Variants in CBLN2 observed in about 807,000 individuals in gnomAD.
CBLN2 encodes the protein cerebellin-2.
In CBLN2, 7 loss-of-function variants were observed where a neutral mutation model predicts 15.0. That is an observed-to-expected ratio of 0.47 (90% CI 0.27 to 0.88). CBLN2 has a LOEUF of 0.88. Ranked by LOEUF, CBLN2 falls within the 40% of genes least tolerant of loss-of-function variation. The pLI, the probability that CBLN2 is intolerant of heterozygous loss-of-function variation, is 0.14. For missense variants in CBLN2, 242 were observed against 304.5 expected (o/e 0.79, Z 1.53); for synonymous variants, 149 against 135.2 (o/e 1.10, Z -0.71).
intron 1 of CBLN2, among the ~76,000 whole-genome samples, chr18:72,554,695 C>T (rs1050459383): frequency 2.0e-5 from 3 of 151,888 alleles, no homozygotes; most frequent in Admixed American, 2.0e-4. Context: ...CAAAAAGTTA[C>T]ATACGATCTC....
chr18:72,591,829 C>T (rs2069481686), intron 1 of CBLN2, among the ~76,000 whole-genome samples: 1 of 152,138 alleles, frequency 6.6e-6, no homozygotes, highest in African/African-American at 2.4e-5. Flanking sequence ...GACAGAATCT[C>T]ATTCTTTGTT....
At chr18:72,597,791 C>A (rs576154298) in intron 1 of CBLN2, among the ~76,000 whole-genome samples, 1 of 152,208 alleles carries the variant, frequency 6.6e-6, no homozygotes, top group African/African-American at 2.4e-5. Flanking sequence ...CTCCTTTACA[C>A]AAGCAAAGGA....
chr18:72,564,446 GAAGA>G (rs2069281515), intron 1 of CBLN2, among the ~76,000 whole-genome samples: 1 of 152,072 alleles, frequency 6.6e-6, no homozygotes. Flanking sequence ...AGTTCAAGCA[GAAGA>G]AAGAATTTCT....
intron 1 of CBLN2, among the ~76,000 whole-genome samples, chr18:72,584,136 G>A (rs1006308491): frequency 6.6e-6 from 1 of 152,024 alleles, no homozygotes; most frequent in African/African-American, 2.4e-5. Context: ...CCTGTGCCTA[G>A]GTCACTTGTC....
chr18:72,538,591 G>A, intron 4 of CBLN2, 62 bp downstream of exon 4: 1 of 1,600,220 alleles, frequency 6.2e-7, no homozygotes, highest in Non-Finnish European at 8.5e-7. Flanking sequence ...AGGTGAAGGG[G>A]CCTTTAGCAA....
At chr18:72,632,154 C>G (rs1213771740) in intron 1 of CBLN2, among the ~76,000 whole-genome samples, 1 of 151,998 alleles carries the variant, frequency 6.6e-6, no homozygotes, top group Non-Finnish European at 1.5e-5. Flanking sequence ...CTTTGTTAAG[C>G]ATTTTCAATA....
chr18:72,625,725 T>TATAC (rs1331209741), intron 1 of CBLN2, among the ~76,000 whole-genome samples: 191 of 78,682 alleles, frequency 2.4e-3, no homozygotes, highest in African/African-American at 0.014. Context: ...TATATATATA[T>TATAC]ACACACTCTT....
In CBLN2 at chr18:72,630,564, C is replaced by CAGAGAGAGAG. The variant is rs368831135; in HGVS notation, c.15+7751_15+7760dup. 3.5e-4 allele frequency among the ~76,000 whole-genome samples: 47 copies of CAGAGAGAGAG among 135,600 alleles called. 1 individual carries two copies. The highest frequency in any genetic ancestry group is 7.5e-3 in the Middle Eastern group (2 of 268). 89.0% of individuals were successfully genotyped at this position (135,600 alleles called of 152,430 possible). A position where few individuals can be genotyped will look rare whatever the true frequency, so the allele number is the denominator to read the frequency against. On this transcript the variant is annotated intron_variant, in intron 1 of 2. Transcript: ENST00000581073. ...CCTCCCCCCCACACACACACACATG[C>CAGAGAGAGAG]AGAGAGAGAGAGAGAGAGAGAGAGG...
intron 1 of CBLN2, among the ~76,000 whole-genome samples, chr18:72,554,512 C>G (rs1469071056): frequency 6.6e-6 from 1 of 151,892 alleles, no homozygotes; most frequent in African/African-American, 2.4e-5. Context: ...CGTTAATTAG[C>G]CTAACGTAAT....
At chr18:72,637,289 A>C (rs2144986368) in intron 1 of CBLN2, among the ~76,000 whole-genome samples, 1 of 152,250 alleles carries the variant, frequency 6.6e-6, no homozygotes, top group East Asian at 1.9e-4. Flanking sequence ...AGCAAAAAAA[A>C]AAAATGGCCC....
intron 1 of CBLN2, among the ~76,000 whole-genome samples, chr18:72,586,181 C>G (rs1364440656): frequency 1.3e-5 from 2 of 152,198 alleles, no homozygotes; most frequent in Admixed American, 6.5e-5. Flanking sequence ...GCCATGCCTC[C>G]CCTGCTGCAG....
At chr18:72,615,999 A>T (rs1160592586) in intron 1 of CBLN2, among the ~76,000 whole-genome samples, 1 of 152,210 alleles carries the variant, frequency 6.6e-6, no homozygotes, top group African/African-American at 2.4e-5. Flanking sequence ...TAACAGTAAA[A>T]AAAAGCTTTC....
intron 1 of CBLN2, among the ~76,000 whole-genome samples, chr18:72,626,934 G>A (rs962752811): frequency 6.6e-6 from 1 of 152,142 alleles, no homozygotes; most frequent in African/African-American, 2.4e-5. Context: ...TTCTAATGCT[G>A]CAGGTTTGCT....
intron 1 of CBLN2, among the ~76,000 whole-genome samples, chr18:72,579,775 A>C (rs2069391215): frequency 6.6e-6 from 1 of 152,056 alleles, no homozygotes; most frequent in Non-Finnish European, 1.5e-5. Flanking sequence ...TAAAACAAAA[A>C]ACTAGTCATA....
At chr18:72,545,772 A>G (rs776627607), upstream of CBLN2, among the ~76,000 whole-genome samples, 4 of 152,236 alleles carry the variant, frequency 2.6e-5, no homozygotes, top group Admixed American at 6.5e-5. Flanking sequence ...AATTTATAGC[A>G]ATACCTCTCA....
intron 1 of CBLN2, among the ~76,000 whole-genome samples, chr18:72,636,944 C>CAG: frequency 6.7e-6 from 1 of 148,990 alleles, no homozygotes; most frequent in South Asian, 2.1e-4. Flanking sequence ...TTCAGTCATG[C>CAG]AGAAGCTCAA....
chr18:72,616,417 C>T (rs944453295), intron 1 of CBLN2, among the ~76,000 whole-genome samples: 1 of 152,148 alleles, frequency 6.6e-6, no homozygotes, highest in Non-Finnish European at 1.5e-5. Flanking sequence ...CTTTGGGTCC[C>T]CCTTTGCTCT....
At chr18:72,635,000 A>T (rs1028043460) in intron 1 of CBLN2, among the ~76,000 whole-genome samples, 1 of 152,046 alleles carries the variant, frequency 6.6e-6, no homozygotes, top group Non-Finnish European at 1.5e-5. Flanking sequence ...TCCATGGCTT[A>T]TATTTGTTAG....
intron 1 of CBLN2, among the ~76,000 whole-genome samples, chr18:72,574,485 TA>T (rs2069352246): frequency 6.6e-6 from 1 of 152,152 alleles, no homozygotes; most frequent in Non-Finnish European, 1.5e-5. Flanking sequence ...CAACATTAAC[TA>T]AAATAATTAT....
Sources: gnomAD v4.1 joint callset for allele counts (sites outside exome capture counted in the v4.1 genomes callset) on GRCh38, gnomAD v4.1.1 for gene constraint, MANE v1.5 for transcripts, NCBI Gene and HGNC (gene_info 2026-07-23, HGNC 2026-07-21) for gene names.